Variants in C5 observed in about 807,000 individuals in gnomAD.
C5 encodes the protein complement C5, also known as C3 and PZP-like alpha-2-macroglobulin domain-containing protein 4.
In C5, 140 loss-of-function variants were observed where a neutral mutation model predicts 218.8. That is an observed-to-expected ratio of 0.64 (90% CI 0.56 to 0.74). The LOEUF is 0.74. Among genes scored for constraint, C5 ranks in the 30% least tolerant of loss-of-function variants. The pLI is 0.00. For synonymous variants in C5, 614 were observed against 682.3 expected (o/e 0.90, Z 1.56); for missense variants, 1,700 against 1,969.6 (o/e 0.86, Z 2.59).
upstream of C5, among the ~76,000 whole-genome samples, chr9:121,054,554 C>T (rs562292463): frequency 4.6e-4 from 70 of 152,100 alleles, no homozygotes; most frequent in Admixed American, 7.9e-4. Context: ...GAGCCAAGAT[C>T]GTGCCATTGC....
chr9:120,997,663 A>C lies in C5; in HGVS notation c.2674T>G (p.Ser892Ala). 6.2e-7 allele frequency: 1 copy of C among 1,614,126 alleles called. No homozygotes were observed. The highest frequency in any genetic ancestry group is 1.1e-5 in the South Asian group (1 of 91,084). ...ACAGTGAATGTCACCAAGTGACTGG[A>C]GGAGCCCTCTACTTTCTGGCGCACA... ...KCVRQKVEGSSSHLVTFTVLP... is the reference protein window; with the variant it reads ...KCVRQKVEGSASHLVTFTVLP... The change falls in exon 21 of 41, where the codon TCC (serine) becomes GCC (alanine). Residue 892 changes from serine (S) to alanine (A), a missense_variant. Transcript: ENST00000223642.
chr9:120,996,663 G>A (rs2047118773), intron 21 of C5, among the ~76,000 whole-genome samples: 1 of 152,238 alleles, frequency 6.6e-6, no homozygotes, highest in Admixed American at 6.5e-5. Context: ...ACACTGCTAG[G>A]AGGTGATGGA....
chr9:120,975,352 AATTTGTAAT>A (rs1564136671), intron 29 of C5, among the ~76,000 whole-genome samples: 1 of 152,044 alleles, frequency 6.6e-6, no homozygotes. Flanking sequence ...CATTCATCTC[AATTTGTAAT>A]GCTTTTATTT....
intron 20 of C5, among the ~76,000 whole-genome samples, chr9:121,002,987 T>C (rs1447877693): frequency 6.6e-6 from 1 of 152,134 alleles, no homozygotes; most frequent in Non-Finnish European, 1.5e-5. Flanking sequence ...TTTGATTTTA[T>C]TTCTGTAAAA....
chr9:120,999,893 T>C, intron 20 of C5: 1 of 451,652 alleles, frequency 2.2e-6, no homozygotes, highest in South Asian at 1.6e-5. Context: ...TGCATGACAC[T>C]TTAAAATGCT....
At chr9:121,024,712 T>C (rs79776850) in intron 9 of C5, among the ~76,000 whole-genome samples, 4,553 of 152,256 alleles carry the variant, frequency 0.03, 221 homozygotes, top group East Asian at 0.17. Context: ...TCAACAATCA[T>C]CTAGAAGCTC....
At chr9:121,018,798 G>GAAGA (rs1409701411) in intron 12 of C5, among the ~76,000 whole-genome samples, 1 of 145,410 alleles carries the variant, frequency 6.9e-6, no homozygotes, top group African/African-American at 2.6e-5. Context: ...AGGAAGGAAG[G>GAAGA]AAGAAAGAGT....
intron 21 of C5, among the ~76,000 whole-genome samples, chr9:120,996,548 T>C (rs2047117887): frequency 6.6e-6 from 1 of 152,252 alleles, no homozygotes; most frequent in African/African-American, 2.4e-5. Flanking sequence ...GCTTTATATG[T>C]ATTAACTCAT....
At chr9:120,970,824 G>T (rs936837797) in intron 31 of C5, among the ~76,000 whole-genome samples, 2 of 152,194 alleles carry the variant, frequency 1.3e-5, no homozygotes, top group African/African-American at 2.4e-5. Flanking sequence ...GTTAATTTAT[G>T]CTCAGAACAT....
intron 1 of C5, among the ~76,000 whole-genome samples, chr9:121,049,843 T>C (rs2047658436): frequency 6.6e-6 from 1 of 152,178 alleles, no homozygotes; most frequent in Non-Finnish European, 1.5e-5. Flanking sequence ...GTGTATAGTC[T>C]ATGAAAAACA....
At chr9:120,976,343 T>C (rs1208188047) in intron 29 of C5, among the ~76,000 whole-genome samples, 1 of 152,248 alleles carries the variant, frequency 6.6e-6, no homozygotes, top group Non-Finnish European at 1.5e-5. Flanking sequence ...ATCAGTACCT[T>C]TGTCTACATG....
At chr9:121,016,903 T>C (rs1213949873) in intron 14 of C5, among the ~76,000 whole-genome samples, 1 of 152,174 alleles carries the variant, frequency 6.6e-6, no homozygotes, top group Non-Finnish European at 1.5e-5. Flanking sequence ...TTCAAAGACA[T>C]TCAAGCCTCG....
At chr9:121,008,311 A>G (rs1587975687) in intron 18 of C5, 97 bp downstream of exon 18, 2 of 871,162 alleles carry the variant, frequency 2.3e-6, no homozygotes, top group African/African-American at 3.3e-5. Flanking sequence ...CTTAACTCCT[A>G]TGCAAGCTAT....
At chr9:121,054,871 C>T (rs1025945714), upstream of C5, among the ~76,000 whole-genome samples, 6 of 151,916 alleles carry the variant, frequency 3.9e-5, no homozygotes, top group Admixed American at 2.0e-4. Context: ...GAGAGTCTGA[C>T]ATCTCAAAGG....
At chr9:121,035,735 A>G (rs1042139177) in intron 4 of C5, among the ~76,000 whole-genome samples, 2 of 143,930 alleles carry the variant, frequency 1.4e-5, no homozygotes, top group Non-Finnish European at 3.1e-5. Flanking sequence ...ATGCCCAGCT[A>G]TTTTTTTTTT....
chr9:121,023,403 C>G lies in C5; in HGVS notation c.1116+1G>C, dbSNP rs772069438. ...AACGTCTACCCCCTCACCCAATCTA[C>G]CTTGATGGGATATGGAATCCCAGGC... On this transcript the variant is annotated splice_donor_variant, in intron 10 of 40. Transcript: ENST00000223642. LOFTEE classifies it high-confidence loss of function. 4 of 1,577,966 alleles carry G rather than the reference C, an allele frequency of 2.5e-6. No individual in the cohort carries two copies. Among genetic ancestry groups the G allele is most frequent in the Non-Finnish European group, 3.5e-6 (4 of 1,147,118 alleles).
At chr9:121,074,848 G>A in the C5 span, 1 of 456,254 alleles carries the variant, frequency 2.2e-6, no homozygotes, top group South Asian at 1.5e-5. Flanking sequence ...CTAGCGCGCT[G>A]GCTGCAAAAG....
At chr9:121,021,179 G>T (rs1330266341) in intron 11 of C5, among the ~76,000 whole-genome samples, 1 of 152,166 alleles carries the variant, frequency 6.6e-6, no homozygotes, top group African/African-American at 2.4e-5. Flanking sequence ...CCCTTCAGGG[G>T]ATTAAAAGTG....
chr9:121,006,774 T>A, intron 19 of C5, 130 bp downstream of exon 19: 1 of 689,032 alleles, frequency 1.5e-6, no homozygotes. Flanking sequence ...TGGTAATACA[T>A]AAAAAAAAGA....
Sources: gnomAD v4.1 joint callset for allele counts (sites outside exome capture counted in the v4.1 genomes callset) on GRCh38, gnomAD v4.1.1 for gene constraint, MANE v1.5 for transcripts, NCBI Gene and HGNC (gene_info 2026-07-23, HGNC 2026-07-21) for gene names.